PTPRD: variants seen among roughly 807,000 people sequenced by gnomAD.
PTPRD encodes the protein receptor-type tyrosine-protein phosphatase delta.
PTPRD carries 34 observed loss-of-function variants against 214.5 expected under a neutral mutation model. That is an observed-to-expected ratio of 0.16 (90% CI 0.12 to 0.21). The LOEUF is 0.21. PTPRD is among the 10% of genes least tolerant of loss of function. The pLI is 1.00. For missense variants in PTPRD, 2,545 were observed against 2,398.7 expected, an observed-to-expected ratio of 1.06 and a Z score of -1.27; for synonymous variants, 1,128 against 845.7, an observed-to-expected ratio of 1.33 and a Z score of -5.79.
chr9:9,540,516 T>C (rs1206930908), intron 8 of PTPRD, among the ~76,000 whole-genome samples: 1 of 151,656 alleles, frequency 6.6e-6, no homozygotes, highest in Non-Finnish European at 1.5e-5. Context: ...CTAGCACAGG[T>C]TGAAACAGCC....
intron 34 of PTPRD, among the ~76,000 whole-genome samples, chr9:8,446,360 T>C (rs1017260638): frequency 1.1e-4 from 17 of 152,238 alleles, no homozygotes; most frequent in African/African-American, 3.9e-4. Context: ...AATCTTTCAT[T>C]CACAAGATGA....
rs528891463 is a variant in PTPRD at position 8,484,132 on chromosome 9, T to A, written c.3400A>T (p.Asn1134Tyr). The change falls in exon 30 of 46, where the codon AAT becomes TAT. Residue 1134 changes from asparagine (N) to tyrosine (Y), a missense_variant. Physicochemically the swap from Asn to Tyr is moderately radical, Grantham distance 143. Transcript: ENST00000381196. ...CAATCAACTTACTTTATATTCTCAT[T>A]TGCAGGTACTTCAGGCAGTTGCACA... ...ITVQLPEVPANENIKGYYIII... is the reference protein window; with the variant it reads ...ITVQLPEVPAYENIKGYYIII... The A allele has an allele frequency of 6.2e-7, 1 of 1,613,832 alleles. No homozygotes were observed. Among genetic ancestry groups the A allele is most frequent in the South Asian group, 1.1e-5 (1 of 91,070 alleles).
At chr9:9,876,376 C>A (rs996390961) in intron 5 of PTPRD, among the ~76,000 whole-genome samples, 2 of 152,008 alleles carry the variant, frequency 1.3e-5, no homozygotes, top group African/African-American at 4.8e-5. Context: ...CAGTAGCAAG[C>A]ATGCATTTAG....
intron 9 of PTPRD, among the ~76,000 whole-genome samples, chr9:9,336,625 T>G (rs1010822772): frequency 6.6e-6 from 1 of 152,156 alleles, no homozygotes; most frequent in Admixed American, 6.6e-5. Context: ...ATAATCATGC[T>G]TTGTATACAA....
At chr9:10,010,534 G>A (rs1014130689) in intron 4 of PTPRD, among the ~76,000 whole-genome samples, 1 of 151,814 alleles carries the variant, frequency 6.6e-6, no homozygotes, top group African/African-American at 2.4e-5. Context: ...CATAGGATGA[G>A]TTCCACACCT....
At chr9:8,755,652 T>C (rs1301822209) in intron 11 of PTPRD, among the ~76,000 whole-genome samples, 1 of 152,134 alleles carries the variant, frequency 6.6e-6, no homozygotes, top group Non-Finnish European at 1.5e-5. Flanking sequence ...AATCAAAATT[T>C]AAAATTTCTG....
At chr9:9,268,187 C>A (rs545692226) in intron 9 of PTPRD, among the ~76,000 whole-genome samples, 3 of 150,792 alleles carry the variant, frequency 2.0e-5, no homozygotes, top group Non-Finnish European at 4.5e-5. Flanking sequence ...AAAATCAGCA[C>A]GAAAAAGTCA....
intron 35 of PTPRD, among the ~76,000 whole-genome samples, chr9:8,406,841 T>C (rs768036896): frequency 2.6e-5 from 4 of 152,184 alleles, no homozygotes; most frequent in African/African-American, 4.8e-5. Context: ...GCTATTCCAC[T>C]TTATACTGAT....
chr9:8,867,289 T>C (rs2098215945), intron 11 of PTPRD, among the ~76,000 whole-genome samples: 1 of 152,180 alleles, frequency 6.6e-6, no homozygotes, highest in African/African-American at 2.4e-5. Context: ...ACCCTGACTA[T>C]TAAGTCTTTG....
chr9:9,537,015 T>A (rs2076659615), intron 8 of PTPRD, among the ~76,000 whole-genome samples: 1 of 151,916 alleles, frequency 6.6e-6, no homozygotes, highest in Non-Finnish European at 1.5e-5. Context: ...AACAAAAGTT[T>A]TACCTAATGA....
chr9:8,511,533 T>G (rs2097682556), intron 21 of PTPRD, among the ~76,000 whole-genome samples: 1 of 152,118 alleles, frequency 6.6e-6, no homozygotes, highest in Non-Finnish European at 1.5e-5. Flanking sequence ...TTTCCTTCAC[T>G]GATTAACTGA....
chr9:10,153,506 A>G (rs1434228154), intron 3 of PTPRD, among the ~76,000 whole-genome samples: 1 of 150,566 alleles, frequency 6.6e-6, no homozygotes, highest in African/African-American at 2.4e-5. Context: ...CAATTTTTAT[A>G]TATTATATAT....
intron 2 of PTPRD, among the ~76,000 whole-genome samples, chr9:10,550,574 C>G (rs992140318): frequency 1.3e-5 from 2 of 152,122 alleles, no homozygotes; most frequent in Non-Finnish European, 2.9e-5. Context: ...CACTGAAAGA[C>G]AGGAAGGCTG....
intron 9 of PTPRD, among the ~76,000 whole-genome samples, chr9:9,234,007 G>C (rs1381144341): frequency 6.6e-6 from 1 of 152,120 alleles, no homozygotes; most frequent in African/African-American, 2.4e-5. Flanking sequence ...CCACTAGGTA[G>C]TGCCCCGGTG....
At chr9:8,340,727 G>A (rs1588115049) in intron 41 of PTPRD, among the ~76,000 whole-genome samples, 1 of 150,674 alleles carries the variant, frequency 6.6e-6, no homozygotes, top group Non-Finnish European at 1.5e-5. Flanking sequence ...AATGCTAATA[G>A]CTCAATTTCA....
chr9:9,421,306 G>C (rs1017007236), intron 8 of PTPRD, among the ~76,000 whole-genome samples: 1 of 147,408 alleles, frequency 6.8e-6, no homozygotes, highest in Non-Finnish European at 1.5e-5. Context: ...TTATACCAGT[G>C]TTACATACAA....
intron 11 of PTPRD, among the ~76,000 whole-genome samples, chr9:8,846,381 A>G (rs1453160079): frequency 6.6e-6 from 1 of 152,176 alleles, no homozygotes; most frequent in African/African-American, 2.4e-5. Context: ...GGAGCTGGAG[A>G]TGTCACTGGG....
At chr9:10,453,142 T>A (rs1338953586) in intron 2 of PTPRD, among the ~76,000 whole-genome samples, 1 of 151,736 alleles carries the variant, frequency 6.6e-6, no homozygotes, top group Non-Finnish European at 1.5e-5. Context: ...TAGATGATTT[T>A]ATTTCTGTCT....
chr9:8,557,333 T>C (rs926201717), intron 14 of PTPRD, among the ~76,000 whole-genome samples: 12 of 151,768 alleles, frequency 7.9e-5, no homozygotes, highest in African/African-American at 2.9e-4. Flanking sequence ...ACTCAATACA[T>C]GTCATGCTCT....
Sources: gnomAD v4.1 joint callset for allele counts (sites outside exome capture counted in the v4.1 genomes callset) on GRCh38, gnomAD v4.1.1 for gene constraint, MANE v1.5 for transcripts, NCBI Gene and HGNC (gene_info 2026-07-23, HGNC 2026-07-21) for gene names.